Variants in KHDRBS2 observed in about 807,000 individuals in gnomAD.
KHDRBS2 encodes the protein KH domain-containing, RNA-binding, signal transduction-associated protein 2.
A neutral mutation model predicts 44.3 loss-of-function variants in KHDRBS2; 26 were observed. That is an observed-to-expected ratio of 0.59 (90% confidence interval 0.43 to 0.81). The LOEUF is 0.81. KHDRBS2 is among the 40% of genes least tolerant of loss of function. The pLI is 0.00. For synonymous variants in KHDRBS2, 194 were observed against 151.1 expected, an observed-to-expected ratio of 1.28 and a Z score of -2.08; for missense variants, 476 against 433.1, an observed-to-expected ratio of 1.10 and a Z score of -0.88.
At chr6:62,115,031 G>A (rs185776730) in intron 2 of KHDRBS2, among the ~76,000 whole-genome samples, 2 of 152,192 alleles carry the variant, frequency 1.3e-5, no homozygotes, top group East Asian at 3.9e-4. Context: ...CTATTTATCA[G>A]TTGTCAACCT....
At chr6:62,148,439 A>G (rs2150103489) in intron 2 of KHDRBS2, among the ~76,000 whole-genome samples, 2 of 152,120 alleles carry the variant, frequency 1.3e-5, no homozygotes, top group Middle Eastern at 3.4e-3. Flanking sequence ...GATAGAGTAC[A>G]ATATGGTAAG....
chr6:61,894,705 G>A lies in KHDRBS2; in HGVS notation c.740C>T (p.Ala247Val). The part of the protein sequence containing the change: ...PVARGVPTPR[A>V]RGAPTVPGYR... ...TCCTGGCACTGTTGGTGCCCCCCGGGCTCGAGGGGTAGGGACACCTCTTGC... is the reference window on the plus strand; with the variant it reads ...TCCTGGCACTGTTGGTGCCCCCCGGACTCGAGGGGTAGGGACACCTCTTGC... Residue 247 changes from alanine to valine, a missense_variant, in exon 6 of 9, where the codon GCC becomes GTC. Transcript: ENST00000281156. 2 of 1,613,602 alleles carry A rather than the reference G, an allele frequency of 1.2e-6. No individual in the cohort carries two copies. The highest frequency in any genetic ancestry group is 1.7e-6 in the Non-Finnish European group (2 of 1,179,826).
In KHDRBS2 at chr6:61,704,679, C is replaced by G. The variant is rs548669529; in HGVS notation, c.894-7426G>C. Among the ~76,000 whole-genome samples the G allele has an allele frequency of 7.2e-5, 11 of 151,946 alleles. No individual in the cohort carries two copies. The East Asian group carries it at 1.9e-3, about 27-fold the overall frequency. On this transcript the variant is annotated intron_variant, in intron 7 of 8. Transcript: ENST00000281156. ...AGAGGGAAGCATGATTATATTTTGG[C>G]TTAAACAGGTCACTCTGCGGGCAGT...
At chr6:61,917,653 T>C (rs150790605) in intron 4 of KHDRBS2, among the ~76,000 whole-genome samples, 1,647 of 152,070 alleles carry the variant, frequency 0.011, 26 homozygotes, top group African/African-American at 0.037. Context: ...GAGACAATGA[T>C]GTGTCAATGT....
chr6:61,573,555 C>T, the KHDRBS2 span, among the ~76,000 whole-genome samples: 1 of 152,116 alleles, frequency 6.6e-6, no homozygotes, highest in African/African-American at 2.4e-5. Flanking sequence ...TTTTGGAGGC[C>T]AAGGCAGGCG....
At chr6:62,250,652 T>A (rs994028418) in intron 1 of KHDRBS2, among the ~76,000 whole-genome samples, 1 of 152,020 alleles carries the variant, frequency 6.6e-6, no homozygotes, top group African/African-American at 2.4e-5. Context: ...AACATTTTTT[T>A]AATCTTCTTA....
chr6:61,820,226 A>T (rs1256073238), intron 6 of KHDRBS2, among the ~76,000 whole-genome samples: 1 of 152,048 alleles, frequency 6.6e-6, no homozygotes, highest in African/African-American at 2.4e-5. Flanking sequence ...GATCCATTAG[A>T]TGACACTAGA....
chr6:62,270,761 C>T (rs1839962911), intron 1 of KHDRBS2, among the ~76,000 whole-genome samples: 2 of 152,010 alleles, frequency 1.3e-5, no homozygotes, highest in Admixed American at 1.3e-4. Flanking sequence ...TTAATTTCTG[C>T]TATCAGATGA....
At chr6:61,974,709 G>A (rs1772148956) in intron 4 of KHDRBS2, among the ~76,000 whole-genome samples, 1 of 151,742 alleles carries the variant, frequency 6.6e-6, no homozygotes, top group South Asian at 2.1e-4. Flanking sequence ...GAGGCGGGTG[G>A]ATCATGAGGT....
At chr6:62,075,865 C>A (rs1796225111) in intron 2 of KHDRBS2, among the ~76,000 whole-genome samples, 1 of 150,194 alleles carries the variant, frequency 6.7e-6, no homozygotes, top group South Asian at 2.1e-4. Context: ...ATATACCCTG[C>A]TGGTGGCCTG....
chr6:61,631,235 T>C, the KHDRBS2 span, among the ~76,000 whole-genome samples: 1 of 140,554 alleles, frequency 7.1e-6, no homozygotes. Flanking sequence ...ATATTGGAGC[T>C]ATAAAGACAA....
At chr6:61,575,061 T>C in the KHDRBS2 span, among the ~76,000 whole-genome samples, 1 of 151,666 alleles carries the variant, frequency 6.6e-6, no homozygotes, top group Admixed American at 6.6e-5. Flanking sequence ...ATGCCAAGAG[T>C]TCATGACCAA....
chr6:62,134,036 A>G (rs1810951389), intron 2 of KHDRBS2, among the ~76,000 whole-genome samples: 1 of 152,236 alleles, frequency 6.6e-6, no homozygotes, highest in Non-Finnish European at 1.5e-5. Context: ...TTTTCTGAGA[A>G]GAAATTCAAG....
chr6:62,072,940 G>C (rs1445972254), intron 2 of KHDRBS2, among the ~76,000 whole-genome samples: 1 of 151,990 alleles, frequency 6.6e-6, no homozygotes, highest in Non-Finnish European at 1.5e-5. Context: ...TTGTACCTCT[G>C]GTAGAATTCA....
chr6:61,808,946 G>C (rs781238688), intron 6 of KHDRBS2, among the ~76,000 whole-genome samples: 1 of 151,820 alleles, frequency 6.6e-6, no homozygotes, highest in East Asian at 1.9e-4. Context: ...ATTAAATTTG[G>C]CATAAAATGT....
At position 61,875,114 on chromosome 6, in the gene KHDRBS2, G is replaced by T. The variant is rs185252685; in HGVS notation, c.810+19521C>A. ...GGAATGGTAATGTGAATTTTGATTT[G>T]GGGACCTGATAGGTTGAATAGATCC... On this transcript the variant is annotated intron_variant, in intron 6 of 8. Transcript: ENST00000281156. Among the ~76,000 whole-genome samples, 4 of 151,982 alleles carry T rather than the reference G, an allele frequency of 2.6e-5. No homozygotes were observed. The East Asian group carries it at 7.8e-4, about 29-fold the overall frequency.
intron 1 of KHDRBS2, among the ~76,000 whole-genome samples, chr6:62,225,148 C>T (rs993098982): frequency 6.6e-6 from 1 of 152,132 alleles, no homozygotes; most frequent in African/African-American, 2.4e-5. Flanking sequence ...GAGCAGCTCC[C>T]CATATAAATA....
chr6:61,746,970 A>G (rs574847054), intron 6 of KHDRBS2, among the ~76,000 whole-genome samples: 4 of 152,168 alleles, frequency 2.6e-5, no homozygotes, highest in Admixed American at 1.3e-4. Context: ...AATTTTTGCA[A>G]TCTACCCATC....
At chr6:61,785,401 T>C (rs1421985265) in intron 6 of KHDRBS2, among the ~76,000 whole-genome samples, 1 of 152,016 alleles carries the variant, frequency 6.6e-6, no homozygotes, top group Non-Finnish European at 1.5e-5. Flanking sequence ...TTTTGAAGAG[T>C]AATTGGACAA....
Sources: allele counts gnomAD v4.1 joint callset (sites outside exome capture counted in the v4.1 genomes callset), GRCh38; gene constraint gnomAD v4.1.1; transcripts MANE v1.5; gene names NCBI Gene and HGNC (gene_info 2026-07-23, HGNC 2026-07-21).